The following GREB1 variants were observed in gnomAD, a reference collection of about 807,000 sequenced individuals.
The protein encoded by GREB1 is growth regulating estrogen receptor binding 1.
A neutral mutation model predicts 200.7 loss-of-function variants in GREB1; 106 were observed. The ratio of observed to expected loss-of-function variants is 0.53; its 90% CI spans 0.45 to 0.62. The LOEUF (loss-of-function observed/expected upper bound fraction) is 0.62, where lower values mean the gene tolerates loss of function less well. Among genes scored for constraint, GREB1 ranks in the 20% least tolerant of loss-of-function variants. GREB1 has a pLI of 0.00. For missense variants in GREB1, 2,243 were observed against 2,556.8 expected (o/e 0.88, Z 2.65); for synonymous variants, 1,132 against 1,092.4 (o/e 1.04, Z -0.72).
At chr2:11,505,016 C>T (rs555903581) in intron 1 of GREB1, among the ~76,000 whole-genome samples, 1 of 152,300 alleles carries the variant, frequency 6.6e-6, no homozygotes, top group South Asian at 2.1e-4. Flanking sequence ...ACTGCATCCT[C>T]CATCTCCCAG....
chr2:11,636,812 AC>A, intron 30 of GREB1, among the ~76,000 whole-genome samples: 1 of 106,620 alleles, frequency 9.4e-6, no homozygotes, highest in East Asian at 3.4e-4. Context: ...AGAGGCAGGG[AC>A]AGAGGCAGGG....
chr2:11,579,899 G>A (rs1311433974), intron 6 of GREB1, among the ~76,000 whole-genome samples: 1 of 152,198 alleles, frequency 6.6e-6, no homozygotes, highest in Non-Finnish European at 1.5e-5. Flanking sequence ...GACTCCAGAT[G>A]TATTAGTCCA....
chr2:11,494,427 G>C (rs938217646), intron 1 of GREB1, among the ~76,000 whole-genome samples: 1 of 152,264 alleles, frequency 6.6e-6, no homozygotes, highest in African/African-American at 2.4e-5. Context: ...GGGGTGCCCA[G>C]TGCCATCCAG....
chr2:11,568,137 C>T (rs778022783), intron 4 of GREB1, among the ~76,000 whole-genome samples: 12 of 152,208 alleles, frequency 7.9e-5, no homozygotes, highest in African/African-American at 2.7e-4. Context: ...TGAAAACCCC[C>T]ACAATTTCTT....
upstream of GREB1, among the ~76,000 whole-genome samples, chr2:11,532,781 G>C (rs1674122888): frequency 6.6e-6 from 1 of 152,142 alleles, no homozygotes; most frequent in Admixed American, 6.6e-5. Flanking sequence ...TGTTATCCAG[G>C]TTTAAGCCCT....
intron 4 of GREB1, among the ~76,000 whole-genome samples, chr2:11,568,324 A>G (rs1677900940): frequency 6.6e-6 from 1 of 152,226 alleles, no homozygotes; most frequent in Admixed American, 6.5e-5. Context: ...GGTTCCTGCC[A>G]CAGAGGCGCT....
chr2:11,633,877 G>A lies in GREB1; in HGVS notation c.4992-254G>A, dbSNP rs1685090889. Among the ~76,000 whole-genome samples, 1 of 152,156 alleles carries A rather than the reference G, an allele frequency of 6.6e-6. No homozygotes were observed. Among genetic ancestry groups the A allele is most frequent in the Admixed American group, 6.5e-5 (1 of 15,270 alleles). Reference sequence around the variant, plus strand: ...GTTGGGTTCTAGTTTCCTTGTCTGCGATTAATACCTATGCCATGGAGTTGT... The same window carrying A: ...GTTGGGTTCTAGTTTCCTTGTCTGCAATTAATACCTATGCCATGGAGTTGT... On this transcript the variant is annotated intron_variant, in intron 28 of 32. Transcript: ENST00000381486. The surrounding 1 kb of genome is among the most constrained non-coding windows in gnomAD (Gnocchi z 4.1).
upstream of GREB1, among the ~76,000 whole-genome samples, chr2:11,531,847 C>T (rs1159112226): frequency 6.6e-6 from 1 of 152,084 alleles, no homozygotes; most frequent in African/African-American, 2.4e-5. Context: ...CTGGGATTAC[C>T]GCATGAACCA....
chr2:11,546,055 T>TA (rs371066013), intron 1 of GREB1, among the ~76,000 whole-genome samples: 14 of 152,228 alleles, frequency 9.2e-5, no homozygotes, highest in African/African-American at 3.4e-4. Flanking sequence ...TGCACGTCTG[T>TA]AGTCCCAGCT....
At chr2:11,576,630 T>C in intron 5 of GREB1, 95 bp downstream of exon 5, 10 of 886,220 alleles carry the variant, frequency 1.1e-5, no homozygotes, top group Non-Finnish European at 1.6e-5. Context: ...GGCCCCTGCA[T>C]AGCAGCACAC....
intron 1 of GREB1, among the ~76,000 whole-genome samples, chr2:11,507,443 C>T (rs1673215932): frequency 6.7e-6 from 1 of 150,182 alleles, no homozygotes; most frequent in African/African-American, 2.4e-5. Context: ...ACAATAATGG[C>T]AACATAATAA....
chr2:11,616,193 C>T (rs745918917), intron 20 of GREB1, among the ~76,000 whole-genome samples: 6 of 152,250 alleles, frequency 3.9e-5, no homozygotes, highest in Non-Finnish European at 8.8e-5. Flanking sequence ...TTGCAGTGGC[C>T]GGGCTGTGCC....
At chr2:11,576,614 G>C (rs902085971) in intron 5 of GREB1, 79 bp downstream of exon 5, 66 of 1,076,444 alleles carry the variant, frequency 6.1e-5, no homozygotes, top group Non-Finnish European at 8.2e-5. Context: ...TGTGATGCTG[G>C]GGAGAGGCCC....
In GREB1 at chr2:11,493,223, C is replaced by T. The variant is rs938360638; in HGVS notation, c.-159+10842C>T. 6.6e-6 allele frequency among the ~76,000 whole-genome samples: 1 copy of T among 152,146 alleles called. No individual in the cohort carries two copies. Among genetic ancestry groups the T allele is most frequent in the African/African-American group, 2.4e-5 (1 of 41,434 alleles). Reference sequence around the variant, plus strand: ...GTACTGTATGCCATAGGACTTGAACCTTGTTTATATCAATTAGCCCAGCAG... The same window carrying T: ...GTACTGTATGCCATAGGACTTGAACTTTGTTTATATCAATTAGCCCAGCAG... On this transcript the variant is annotated intron_variant, in intron 1 of 2. Transcript: ENST00000628795. This position sits in a 1 kb window ranked among gnomAD's most constrained non-coding sequence, Gnocchi z 4.6.
At chr2:11,531,224 G>A (rs966272773), upstream of GREB1, among the ~76,000 whole-genome samples, 2 of 152,116 alleles carry the variant, frequency 1.3e-5, no homozygotes, top group Non-Finnish European at 2.9e-5. Context: ...GTTGCTTGAC[G>A]CATACAAGCA....
In GREB1 at chr2:11,597,754, C is replaced by T. The variant is rs776436041; in HGVS notation, c.1955-27C>T. 6.2e-7 allele frequency: 1 copy of T among 1,609,254 alleles called. No homozygotes were observed. The highest frequency in any genetic ancestry group is 8.5e-7 in the Non-Finnish European group (1 of 1,176,012). ...CAGTAGCCGTGTGCCCTGGAGCTCA[C>T]CTGGCATCCTGGGGCTCTGGTTCCA... On this transcript the variant is annotated intron_variant, in intron 13 of 32. Transcript: ENST00000381486. This position sits in a 1 kb window ranked among gnomAD's most constrained non-coding sequence, Gnocchi z 4.1.
intron 1 of GREB1, among the ~76,000 whole-genome samples, chr2:11,520,718 G>C (rs1572583156): frequency 6.6e-6 from 1 of 152,260 alleles, no homozygotes; most frequent in Admixed American, 6.5e-5. Context: ...TCCCCAGGTA[G>C]TCCAGCATTA....
chr2:11,550,147 G>A (rs1322647916), intron 1 of GREB1, among the ~76,000 whole-genome samples: 1 of 152,224 alleles, frequency 6.6e-6, no homozygotes, highest in African/African-American at 2.4e-5. Context: ...GAACCTGAGA[G>A]GCGAAGGTTG....
Position 11,556,560 on chromosome 2 carries a change from C to G in GREB1, c.-55C>G. 6.8e-7 allele frequency: 1 copy of G among 1,473,356 alleles called. No individual in the cohort carries two copies. The allele number at this position is 1,473,356 out of a possible 1,614,324, so 91.3% of individuals were successfully genotyped here. ...ACCTTCTACCTTGCGTGGAGCCAGG[C>G]TTTTGCACCGAATCTGAGATGCCAT... On this transcript the variant is annotated 5_prime_UTR_variant, in exon 2 of 33. Coordinates refer to ENST00000381486, the MANE Select transcript of GREB1 (RefSeq NM_014668.4).
Sources: allele counts gnomAD v4.1 joint callset (sites outside exome capture counted in the v4.1 genomes callset), GRCh38; gene constraint gnomAD v4.1.1; non-coding constraint Gnocchi (gnomAD v3.1); transcripts MANE v1.5; gene names NCBI Gene and HGNC (gene_info 2026-07-23, HGNC 2026-07-21).